RABGEF1: variants seen among roughly 807,000 people sequenced by gnomAD.
The protein encoded by RABGEF1 is rab5 GDP/GTP exchange factor.
Under a neutral mutation model 57.3 loss-of-function variants are expected in RABGEF1, and 26 were observed. The ratio of observed to expected loss-of-function variants is 0.45; its 90% CI spans 0.33 to 0.63. The LOEUF (loss-of-function observed/expected upper bound fraction) is 0.63. RABGEF1 is among the 20% of genes least tolerant of loss of function. The pLI, the probability that RABGEF1 is intolerant of heterozygous loss-of-function variation, is 0.02. For missense variants in RABGEF1, 464 were observed against 607.6 expected, an observed-to-expected ratio of 0.76 and a Z score of 2.48; for synonymous variants, 185 against 210.7, an observed-to-expected ratio of 0.88 and a Z score of 1.06.
the RABGEF1 span, among the ~76,000 whole-genome samples, chr7:66,664,496 G>A: frequency 2.0e-3 from 303 of 152,052 alleles, 6 homozygotes; most frequent in East Asian, 0.051. Context: ...AGGAGGCTGA[G>A]GTGGGAGGAT....
At position 66,690,929 on chromosome 7, in the gene RABGEF1, C is replaced by CAA. The variant is rs35650421; in HGVS notation, c.-873+8682_-873+8683dup. Reference sequence around the variant, plus strand: ...TGAAACTCTGTCTCTACTAAAAATACAAAAAAAAAAAATTAGCCGAGTGTG... The same window carrying CAA: ...TGAAACTCTGTCTCTACTAAAAATACAAAAAAAAAAAAAATTAGCCGAGTGTG... On this transcript the variant is annotated intron_variant and NMD_transcript_variant, in intron 1 of 9. Coordinates refer to the RABGEF1 transcript ENST00000607882. Among the ~76,000 whole-genome samples, 91 of 144,794 alleles carry CAA rather than the reference C, an allele frequency of 6.3e-4. 1 individual carries two copies. The highest frequency in any genetic ancestry group is 3.4e-3 in the Admixed American group (49 of 14,444). The allele number at this position is 144,794 out of a possible 152,430, so 95.0% of individuals were successfully genotyped here.
intron 1 of RABGEF1, among the ~76,000 whole-genome samples, chr7:66,755,076 C>T (rs769628886): frequency 6.6e-6 from 1 of 152,126 alleles, no homozygotes; most frequent in Non-Finnish European, 1.5e-5. Context: ...AGGCGGATCA[C>T]GAGGTCAGGA....
At chr7:66,744,963 C>T (rs186501912) in intron 1 of RABGEF1, among the ~76,000 whole-genome samples, 1 of 151,884 alleles carries the variant, frequency 6.6e-6, no homozygotes, top group African/African-American at 2.4e-5. Context: ...GAAGCTGAGG[C>T]GGGTGGATCA....
At position 66,809,326 on chromosome 7, in the gene RABGEF1, G is replaced by A; in HGVS notation, c.*42G>A. The A allele has an allele frequency of 6.4e-7, 1 of 1,553,122 alleles. No homozygotes were observed. The highest frequency in any genetic ancestry group is 8.7e-7 in the Non-Finnish European group (1 of 1,147,114). ...AGTATTTATTTGAGCCTAAATTGTA[G>A]GTAGCCCTTACTACACTCAACTGAT... On this transcript the variant is annotated 3_prime_UTR_variant, in exon 9 of 9. Transcript: ENST00000284957.
chr7:66,756,222 G>T (rs2129071704), intron 1 of RABGEF1: 1 of 536,728 alleles, frequency 1.9e-6, no homozygotes, highest in East Asian at 3.2e-5. Context: ...TTAGGGAAAT[G>T]CACGTTAAAT....
intron 7 of RABGEF1, among the ~76,000 whole-genome samples, chr7:66,804,648 T>C (rs563507328): frequency 6.6e-6 from 1 of 150,508 alleles, no homozygotes; most frequent in South Asian, 2.1e-4. Flanking sequence ...GGCAAGAGAA[T>C]CGCTTGAACC....
chr7:66,659,071 C>A, the RABGEF1 span, among the ~76,000 whole-genome samples: 1 of 152,282 alleles, frequency 6.6e-6, no homozygotes, highest in Non-Finnish European at 1.5e-5. Flanking sequence ...ATGAGGACAG[C>A]ATTGCCTTGT....
chr7:66,678,291 C>T (rs1789431977), upstream of RABGEF1, among the ~76,000 whole-genome samples: 1 of 151,946 alleles, frequency 6.6e-6, no homozygotes, highest in Non-Finnish European at 1.5e-5. Context: ...GTAGGCCGGG[C>T]GCGGTGGCTC....
intron 1 of RABGEF1, among the ~76,000 whole-genome samples, chr7:66,710,570 G>A (rs1794654162): frequency 6.6e-6 from 1 of 152,066 alleles, no homozygotes; most frequent in East Asian, 1.9e-4. Flanking sequence ...TTTAATTTTA[G>A]CCATTCTAAG....
chr7:66,664,840 T>A, the RABGEF1 span, among the ~76,000 whole-genome samples: 8 of 152,200 alleles, frequency 5.3e-5, no homozygotes, highest in Non-Finnish European at 8.8e-5. Flanking sequence ...ACTGACCTCT[T>A]CGGGGTGCCT....
Position 66,801,161 on chromosome 7 carries a change from C to T in RABGEF1, c.820+1747C>T, listed in dbSNP as rs1389422881. On this transcript the variant is annotated intron_variant, in intron 7 of 8. Transcript: ENST00000284957. ...GGATCAGAGAGTCCATCATCAGCTC[C>T]TCTTAGCTCCAAGAGTTTAGGACAA... 4.6e-5 allele frequency among the ~76,000 whole-genome samples: 7 copies of T among 152,170 alleles called. No individual in the cohort carries two copies. In the East Asian group the frequency reaches 1.3e-3, roughly 29 times the overall value.
At chr7:66,749,207 G>C (rs992320671) in intron 1 of RABGEF1, 1 of 152,328 alleles carries the variant, frequency 6.6e-6, no homozygotes. Context: ...TGTATTGCCT[G>C]TATTTTGCTC....
intron 8 of RABGEF1, among the ~76,000 whole-genome samples, chr7:66,807,037 G>A (rs375411717): frequency 5.9e-5 from 9 of 152,260 alleles, no homozygotes; most frequent in African/African-American, 1.7e-4. Flanking sequence ...AGACAACCTG[G>A]AAGTCCCTGA....
intron 2 of RABGEF1, among the ~76,000 whole-genome samples, chr7:66,773,209 A>T (rs531610916): frequency 1.3e-5 from 2 of 152,198 alleles, no homozygotes; most frequent in East Asian, 3.9e-4. Flanking sequence ...AAGAGAGAAA[A>T]TTTTAGCCGA....
the RABGEF1 span, among the ~76,000 whole-genome samples, chr7:66,672,302 G>A: frequency 2.0e-5 from 3 of 151,922 alleles, no homozygotes; most frequent in Non-Finnish European, 4.4e-5. Context: ...CGCGGTGGCG[G>A]GCACCTGTAG....
At chr7:66,683,189 G>T (rs1423089171) in intron 1 of RABGEF1, among the ~76,000 whole-genome samples, 1 of 151,918 alleles carries the variant, frequency 6.6e-6, no homozygotes, top group African/African-American at 2.4e-5. Context: ...TGTTACCCAG[G>T]CAGGTGTCAA....
At chr7:66,694,528 T>TA (rs1415255754) in intron 1 of RABGEF1, among the ~76,000 whole-genome samples, 1 of 152,152 alleles carries the variant, frequency 6.6e-6, no homozygotes, top group Non-Finnish European at 1.5e-5. Flanking sequence ...GGCATTGAGC[T>TA]AAAGAGGGGC....
chr7:66,811,197 G>T lies in RABGEF1; in HGVS notation c.*1913G>T, dbSNP rs1222188229. The T allele has an allele frequency of 1.3e-5, 2 of 152,176 alleles. No homozygotes were observed. The highest frequency in any genetic ancestry group is 2.9e-5 in the Non-Finnish European group (2 of 68,024). The allele number at this position is 152,176 out of a possible 1,614,324, so 9.4% of individuals were successfully genotyped here. A position where few individuals can be genotyped will look rare whatever the true frequency, so the allele number is the denominator to read the frequency against. On this transcript the variant is annotated 3_prime_UTR_variant, in exon 9 of 9. Coordinates refer to ENST00000284957, the MANE Select transcript of RABGEF1 (RefSeq NM_014504.3). ...TGCATATCAACTTCCCACAAAAGCT[G>T]ACTTTTTTGGGTCTCTTACATATAA...
At chr7:66,702,692 A>T (rs1378500683) in intron 1 of RABGEF1, among the ~76,000 whole-genome samples, 1 of 151,938 alleles carries the variant, frequency 6.6e-6, no homozygotes. Context: ...GTGGTGTCTT[A>T]TTGTGGTTTT....
Sources: allele counts gnomAD v4.1 joint callset (sites outside exome capture counted in the v4.1 genomes callset), GRCh38; gene constraint gnomAD v4.1.1; transcripts MANE v1.5; gene names NCBI Gene and HGNC (gene_info 2026-07-23, HGNC 2026-07-21).